SLC4A4: variants seen among roughly 807,000 people sequenced by gnomAD.
SLC4A4 encodes electrogenic sodium bicarbonate cotransporter 1.
In SLC4A4, 27 loss-of-function variants were observed where a neutral mutation model predicts 111.5. The ratio of observed to expected loss-of-function variants is 0.24; its 90% confidence interval spans 0.18 to 0.33. The LOEUF (loss-of-function observed/expected upper bound fraction) is 0.33, where lower values mean the gene tolerates loss of function less well. Ranked by LOEUF, SLC4A4 falls within the 10% of genes least tolerant of loss-of-function variation. The probability of loss-of-function intolerance (pLI) is 1.00; values close to 1 mark genes in which losing one functional copy is unlikely to be tolerated. For missense variants in SLC4A4, 909 were observed against 1,315.5 expected (o/e 0.69, Z 4.78); for synonymous variants, 443 against 463.4 (o/e 0.96, Z 0.57).
chr4:71,446,748 G>A (rs538066171), intron 8 of SLC4A4, among the ~76,000 whole-genome samples: 6 of 152,170 alleles, frequency 3.9e-5, no homozygotes, highest in Non-Finnish European at 7.3e-5. Context: ...TTATCTCCCC[G>A]TTAGGTGATA....
rs553518487 is a variant in SLC4A4, at chr4:71,377,284, G to A, written c.730+20097G>A. ...ATCAATATATGCTGAATGAATGAAT[G>A]AACAATAGAACCAGATGGTTCAAAT... On this transcript the variant is annotated intron_variant, in intron 6 of 25. Coordinates refer to ENST00000264485, the MANE Select transcript of SLC4A4 (RefSeq NM_001098484.3). 4.6e-5 allele frequency among the ~76,000 whole-genome samples: 7 copies of A among 152,292 alleles called. No homozygotes were observed. The South Asian group carries it at 1.5e-3, about 32-fold the overall frequency.
At chr4:71,398,299 A>G (rs908551648) in intron 7 of SLC4A4, among the ~76,000 whole-genome samples, 10 of 151,958 alleles carry the variant, frequency 6.6e-5, no homozygotes, top group Non-Finnish European at 8.8e-5. Context: ...AAAAAAAAAA[A>G]AAAGAAATGC....
intron 6 of SLC4A4, among the ~76,000 whole-genome samples, chr4:71,370,029 A>G (rs1270771230): frequency 6.6e-6 from 1 of 152,216 alleles, no homozygotes; most frequent in East Asian, 1.9e-4. Flanking sequence ...ATCTTAAAGG[A>G]AAAGTATGAG....
intron 3 of SLC4A4, among the ~76,000 whole-genome samples, chr4:71,271,175 T>G (rs7661527): frequency 0.092 from 14,047 of 152,200 alleles, 2,082 homozygotes; most frequent in African/African-American, 0.3. Context: ...ATACCTGACC[T>G]TTACATAGTG....
chr4:71,334,578 G>T (rs575371337), intron 3 of SLC4A4, among the ~76,000 whole-genome samples: 2 of 152,250 alleles, frequency 1.3e-5, no homozygotes, highest in East Asian at 3.9e-4. Context: ...AGCACCAGTA[G>T]AAACTTCCAG....
intron 2 of SLC4A4, among the ~76,000 whole-genome samples, chr4:71,150,035 A>G (rs1222641632): frequency 1.3e-5 from 2 of 152,168 alleles, no homozygotes; most frequent in African/African-American, 4.8e-5. Context: ...ACATGTGAAT[A>G]TACCTGCTTA....
chr4:71,508,136 A>G (rs1731584239), intron 16 of SLC4A4, among the ~76,000 whole-genome samples: 1 of 152,176 alleles, frequency 6.6e-6, no homozygotes, highest in Non-Finnish European at 1.5e-5. Context: ...AAAAAGCTAG[A>G]AAGATCTCAA....
intron 18 of SLC4A4, among the ~76,000 whole-genome samples, chr4:71,535,518 T>C (rs895741307): frequency 6.6e-6 from 1 of 152,056 alleles, no homozygotes; most frequent in Non-Finnish European, 1.5e-5. Context: ...AAAGCTGAGA[T>C]TGATGAACTG....
chr4:71,537,038 C>T (rs1191818512), intron 18 of SLC4A4, among the ~76,000 whole-genome samples: 1 of 151,606 alleles, frequency 6.6e-6, no homozygotes, highest in East Asian at 1.9e-4. Context: ...CGATCTACAG[C>T]TTTTTAAGTT....
chr4:71,271,489 C>T (rs1342441597), intron 3 of SLC4A4, among the ~76,000 whole-genome samples: 2 of 152,036 alleles, frequency 1.3e-5, no homozygotes, highest in African/African-American at 4.8e-5. Context: ...AAATAGAAAC[C>T]AAACCAGGGA....
chr4:71,411,445 C>G (rs528847695), intron 7 of SLC4A4, among the ~76,000 whole-genome samples: 8 of 152,040 alleles, frequency 5.3e-5, no homozygotes, highest in Non-Finnish European at 1.2e-4. Context: ...ACCATGACAC[C>G]TACCACAACT....
rs1034114631 is a variant in SLC4A4 at position 71,156,450 on chromosome 4, C to G, written c.-2+63658C>G. Among the ~76,000 whole-genome samples, 13 of 152,106 alleles carry G rather than the reference C, an allele frequency of 8.5e-5. 1 individual carries two copies. Among genetic ancestry groups the G allele is most frequent in the Admixed American group, 7.2e-4 (11 of 15,272 alleles). ...GGCTATTCTGCACTCACAAATTTTGCAAATAAAAATCATAGAACTCTAACT... is the reference window on the plus strand; with the variant it reads ...GGCTATTCTGCACTCACAAATTTTGGAAATAAAAATCATAGAACTCTAACT... On this transcript the variant is annotated intron_variant, in intron 2 of 26. Transcript: ENST00000649996.
chr4:71,238,981 T>A (rs1719996894), intron 2 of SLC4A4, among the ~76,000 whole-genome samples: 1 of 152,286 alleles, frequency 6.6e-6, no homozygotes, highest in East Asian at 1.9e-4. Flanking sequence ...TTGAGGGGAA[T>A]GTTTTTTCCC....
chr4:71,395,781 T>C (rs1719768091), intron 6 of SLC4A4, among the ~76,000 whole-genome samples: 2 of 152,196 alleles, frequency 1.3e-5, no homozygotes, highest in Non-Finnish European at 2.9e-5. Flanking sequence ...CTGCTTTAAA[T>C]TTATTTCAGT....
intron 16 of SLC4A4, among the ~76,000 whole-genome samples, chr4:71,520,847 G>A (rs1241363391): frequency 6.6e-6 from 1 of 151,312 alleles, no homozygotes; most frequent in East Asian, 1.9e-4. Context: ...TCTTTTTTTT[G>A]GGGGGGTGGC....
At chr4:71,150,746 G>T (rs1383233201) in intron 2 of SLC4A4, among the ~76,000 whole-genome samples, 2 of 152,226 alleles carry the variant, frequency 1.3e-5, no homozygotes, top group East Asian at 3.9e-4. Context: ...TTCACCTTTG[G>T]CAGCTTGCGG....
At chr4:71,081,648 A>T (rs1741997641) in intron 1 of SLC4A4, among the ~76,000 whole-genome samples, 1 of 152,062 alleles carries the variant, frequency 6.6e-6, no homozygotes, top group Admixed American at 6.6e-5. Context: ...TTTATTCTGA[A>T]TTGAGCTGCA....
intron 18 of SLC4A4, among the ~76,000 whole-genome samples, chr4:71,541,071 C>T (rs1448251634): frequency 6.6e-6 from 1 of 152,116 alleles, no homozygotes; most frequent in Non-Finnish European, 1.5e-5. Flanking sequence ...GGCATTTACA[C>T]CCTCCAGCTG....
intron 2 of SLC4A4, among the ~76,000 whole-genome samples, chr4:71,138,789 C>G (rs1182341143): frequency 6.6e-6 from 1 of 152,120 alleles, no homozygotes; most frequent in Non-Finnish European, 1.5e-5. Flanking sequence ...GTAATCCCAG[C>G]ACTTTGGGAG....
Sources: gnomAD v4.1 joint callset for allele counts (sites outside exome capture counted in the v4.1 genomes callset) on GRCh38, gnomAD v4.1.1 for gene constraint, MANE v1.5 for transcripts, NCBI Gene and HGNC (gene_info 2026-07-23, HGNC 2026-07-21) for gene names.